The following AQR variants were observed in gnomAD, a reference collection of about 807,000 sequenced individuals.
The protein encoded by AQR is RNA helicase aquarius.
In AQR, 61 loss-of-function variants were observed where a neutral mutation model predicts 180.5. The observed-to-expected ratio is 0.34, with a 90% confidence interval of 0.28 to 0.42. AQR has a LOEUF of 0.42. AQR is among the 10% of genes least tolerant of loss of function. The probability of loss-of-function intolerance (pLI) is 1.00; values close to 1 mark genes in which losing one functional copy is unlikely to be tolerated. For synonymous variants in AQR, 551 were observed against 588.8 expected (o/e 0.94, Z 0.93); for missense variants, 1,281 against 1,798.3 (o/e 0.71, Z 5.20).
At chr15:34,931,861 C>T (rs567929535) in intron 11 of AQR, among the ~76,000 whole-genome samples, 10 of 152,246 alleles carry the variant, frequency 6.6e-5, no homozygotes, top group African/African-American at 2.2e-4. Flanking sequence ...TTCTGCATGA[C>T]ATAACAGGAA....
chr15:34,888,665 C>G lies in AQR; in HGVS notation c.2681+1550G>C, dbSNP rs897195254. ...TGAGCTGAGACGGTGCCACTGCACT[C>G]CAGCCTGGGCAACAAAGTGAAACTC... On this transcript the variant is annotated intron_variant, in intron 24 of 34. Transcript: ENST00000156471. Among the ~76,000 whole-genome samples, 3 of 152,050 alleles carry G rather than the reference C, an allele frequency of 2.0e-5. No individual in the cohort carries two copies. In the South Asian group the frequency reaches 6.2e-4, roughly 32 times the overall value.
intron 16 of AQR, among the ~76,000 whole-genome samples, chr15:34,911,593 CA>C (rs140185625): frequency 6.6e-6 from 1 of 152,086 alleles, no homozygotes; most frequent in Non-Finnish European, 1.5e-5. Flanking sequence ...TGTCTTCCTA[CA>C]AAAAATAGTA....
chr15:34,929,106 G>A lies in AQR; in HGVS notation c.1014+1152C>T, dbSNP rs111572171. Among the ~76,000 whole-genome samples, 1,301 of 152,136 alleles carry A rather than the reference G, an allele frequency of 8.6e-3. 19 individuals carry two copies. The highest frequency in any genetic ancestry group is 0.03 in the African/African-American group (1,239 of 41,476). On this transcript the variant is annotated intron_variant, in intron 12 of 34. Transcript: ENST00000156471. ...TGGATATTAGACCTTTGTTAGATGGGTAGATTGAAAAAATTTTCTCCCATT... is the reference window on the plus strand; with the variant it reads ...TGGATATTAGACCTTTGTTAGATGGATAGATTGAAAAAATTTTCTCCCATT...
chr15:34,889,184 G>A (rs551250653), intron 24 of AQR, among the ~76,000 whole-genome samples: 1 of 152,196 alleles, frequency 6.6e-6, no homozygotes, highest in South Asian at 2.1e-4. Context: ...AAATACCTAT[G>A]GGATGAATTC....
chr15:34,955,386 A>G (rs1421444197), intron 3 of AQR, among the ~76,000 whole-genome samples: 3 of 152,120 alleles, frequency 2.0e-5, no homozygotes, highest in African/African-American at 7.2e-5. Context: ...CACAAATGAG[A>G]GTTCTTTTCT....
intron 3 of AQR, among the ~76,000 whole-genome samples, chr15:34,954,892 G>C (rs892668769): frequency 6.6e-6 from 1 of 152,134 alleles, no homozygotes; most frequent in Non-Finnish European, 1.5e-5. Context: ...GGAGGCCAAG[G>C]AGGGTGGACT....
At chr15:34,865,266 C>T (rs1050216525) in intron 32 of AQR, among the ~76,000 whole-genome samples, 12 of 152,140 alleles carry the variant, frequency 7.9e-5, no homozygotes, top group Non-Finnish European at 1.5e-4. Flanking sequence ...GAACAGGTTA[C>T]GTGCATTTCT....
chr15:34,937,592 T>G (rs1290433470), intron 9 of AQR, among the ~76,000 whole-genome samples: 1 of 152,152 alleles, frequency 6.6e-6, no homozygotes, highest in Non-Finnish European at 1.5e-5. Context: ...CTTAAAAATA[T>G]TAAACAATTG....
chr15:34,869,293 C>A (rs567640998), intron 31 of AQR: 35 of 151,862 alleles, frequency 2.3e-4, no homozygotes, highest in African/African-American at 7.5e-4. Context: ...GACGTATTGG[C>A]TACCTGTAGG....
Position 34,856,648 on chromosome 15 carries a change from A to C in AQR, c.*144T>G. 1 of 633,488 alleles carries C rather than the reference A, an allele frequency of 1.6e-6. No homozygotes were observed. Among genetic ancestry groups the C allele is most frequent in the South Asian group, 4.3e-5 (1 of 23,030 alleles). 39.2% of individuals were successfully genotyped at this position (633,488 alleles called of 1,614,324 possible). A position where few individuals can be genotyped will look rare whatever the true frequency, so the allele number is the denominator to read the frequency against. On this transcript the variant is annotated 3_prime_UTR_variant, in exon 35 of 35. Coordinates refer to ENST00000156471, the MANE Select transcript of AQR (RefSeq NM_014691.3). ...ACACATAATTTAAAAAAATATATTC[A>C]AGACACCGAAATCAGTTAACAAATA...
chr15:34,958,846 C>A (rs1367802885), intron 3 of AQR, among the ~76,000 whole-genome samples: 1 of 152,172 alleles, frequency 6.6e-6, no homozygotes, highest in East Asian at 1.9e-4. Flanking sequence ...TGTTACAAAT[C>A]TGCTCAAATG....
intron 18 of AQR, among the ~76,000 whole-genome samples, chr15:34,904,826 T>C (rs1893386383): frequency 6.6e-6 from 1 of 152,056 alleles, no homozygotes; most frequent in African/African-American, 2.4e-5. Context: ...ATCTTTACTT[T>C]TGTCACTCAT....
At chr15:34,964,469 C>G (rs768866224) in intron 1 of AQR, 179 bp from the exon 2 acceptor site, 2 of 693,958 alleles carry the variant, frequency 2.9e-6, no homozygotes, top group South Asian at 3.0e-5. Context: ...CCCCAAACCA[C>G]TAAATGCCAG....
At chr15:34,873,004 T>C (rs1372724536) in intron 30 of AQR, among the ~76,000 whole-genome samples, 1 of 152,132 alleles carries the variant, frequency 6.6e-6, no homozygotes, top group African/African-American at 2.4e-5. Context: ...ACTGTAGATA[T>C]ACTTTGCAAC....
chr15:34,860,177 G>A (rs766674071), intron 33 of AQR, 22 bp from the exon 34 acceptor site: 15 of 1,332,558 alleles, frequency 1.1e-5, no homozygotes, highest in Middle Eastern at 2.1e-4. Flanking sequence ...AAAAAAGAAC[G>A]TTAAGTATCT....
intron 27 of AQR, among the ~76,000 whole-genome samples, chr15:34,881,723 A>T (rs781002344): frequency 1.3e-5 from 2 of 152,206 alleles, no homozygotes; most frequent in Non-Finnish European, 2.9e-5. Flanking sequence ...CTAAGTACAC[A>T]AATAACTGGA....
At chr15:34,944,905 C>A (rs1331006627) in intron 5 of AQR, among the ~76,000 whole-genome samples, 1 of 152,188 alleles carries the variant, frequency 6.6e-6, no homozygotes, top group Non-Finnish European at 1.5e-5. Context: ...TGACCTACCT[C>A]TGTTTCTAGT....
intron 10 of AQR, among the ~76,000 whole-genome samples, chr15:34,933,921 G>C (rs1413579505): frequency 6.6e-6 from 1 of 152,176 alleles, no homozygotes; most frequent in Non-Finnish European, 1.5e-5. Flanking sequence ...AGGAGTTCAA[G>C]ACCAGCCTGG....
Position 34,882,514 on chromosome 15 carries a change from C to A in AQR, c.3153G>T (p.Lys1051Asn). 2 of 1,572,096 alleles carry A rather than the reference C, an allele frequency of 1.3e-6. No homozygotes were observed. The highest frequency in any genetic ancestry group is 1.7e-6 in the Non-Finnish European group (2 of 1,161,536). Residue 1051 changes from lysine to asparagine, a missense_variant, in exon 27 of 35, where the codon AAG becomes AAT. Lys to Asn is a moderately conservative substitution (Grantham distance 94). Transcript: ENST00000156471. ...HAALKRHDLV[K>N]LGFKYDNILM... ...CATAAGTCTTTACCTTGAAACCTAGCTTGACCAAGTCATGTCGTTTTAAGG... is the reference window on the plus strand; with the variant it reads ...CATAAGTCTTTACCTTGAAACCTAGATTGACCAAGTCATGTCGTTTTAAGG...
Sources: allele counts gnomAD v4.1 joint callset (sites outside exome capture counted in the v4.1 genomes callset), GRCh38; gene constraint gnomAD v4.1.1; transcripts MANE v1.5; gene names NCBI Gene and HGNC (gene_info 2026-07-23, HGNC 2026-07-21).